KDM4C: variants seen among roughly 807,000 people sequenced by gnomAD.
KDM4C encodes the protein lysine demethylase 4C.
KDM4C carries 81 observed loss-of-function variants against 129.3 expected under a neutral mutation model. That is an observed-to-expected ratio of 0.63 (90% CI 0.52 to 0.75). The LOEUF is 0.75. Among genes scored for constraint, KDM4C ranks in the 30% least tolerant of loss-of-function variants. KDM4C has a pLI of 0.00. For synonymous variants in KDM4C, 573 were observed against 456.1 expected (o/e 1.26, Z -3.26); for missense variants, 1,457 against 1,304.0 (o/e 1.12, Z -1.81).
At chr9:7,082,028 C>T (rs1389588148) in intron 17 of KDM4C, among the ~76,000 whole-genome samples, 1 of 151,990 alleles carries the variant, frequency 6.6e-6, no homozygotes, top group South Asian at 2.1e-4. Context: ...TGGCCTTTGC[C>T]CCTGTGAAAA....
chr9:7,060,732 G>C (rs112519340), intron 17 of KDM4C, among the ~76,000 whole-genome samples: 1 of 151,910 alleles, frequency 6.6e-6, no homozygotes, highest in African/African-American at 2.4e-5. Flanking sequence ...CGCCTGCCTC[G>C]GCCTCCCAAA....
At chr9:7,145,103 C>T (rs1018731757) in intron 19 of KDM4C, among the ~76,000 whole-genome samples, 31 of 152,136 alleles carry the variant, frequency 2.0e-4, no homozygotes, top group African/African-American at 7.5e-4. Flanking sequence ...TAACAGGCCT[C>T]CTCCTCGGGT....
At chr9:6,778,375 C>T (rs1242473129) in intron 1 of KDM4C, among the ~76,000 whole-genome samples, 1 of 151,632 alleles carries the variant, frequency 6.6e-6, no homozygotes, top group African/African-American at 2.4e-5. Context: ...TGGGCATGAG[C>T]CACCCCACCA....
At chr9:6,886,110 C>T (rs2130828415) in intron 6 of KDM4C, among the ~76,000 whole-genome samples, 1 of 152,262 alleles carries the variant, frequency 6.6e-6, no homozygotes, top group Non-Finnish European at 1.5e-5. Flanking sequence ...TGGGGACTGC[C>T]CCTTGGTGCC....
At chr9:6,752,734 A>G (rs1818113467), upstream of KDM4C, among the ~76,000 whole-genome samples, 1 of 152,124 alleles carries the variant, frequency 6.6e-6, no homozygotes, top group Admixed American at 6.6e-5. Context: ...CAACTTCCAA[A>G]AAGTTATATT....
At chr9:7,027,448 G>C (rs915672180) in intron 15 of KDM4C, among the ~76,000 whole-genome samples, 6 of 152,192 alleles carry the variant, frequency 3.9e-5, no homozygotes, top group African/African-American at 1.4e-4. Flanking sequence ...GAGTCTCTCT[G>C]TTTGTTCTGA....
At chr9:6,978,724 C>T (rs975444569) in intron 8 of KDM4C, 1 of 152,282 alleles carries the variant, frequency 6.6e-6, no homozygotes, top group Non-Finnish European at 1.5e-5. Flanking sequence ...GACAGTCCTG[C>T]ACAGCTCTCT....
intron 12 of KDM4C, among the ~76,000 whole-genome samples, chr9:7,009,588 C>T (rs910347614): frequency 6.6e-6 from 1 of 152,094 alleles, no homozygotes; most frequent in African/African-American, 2.4e-5. Flanking sequence ...GGTGCCACTG[C>T]CTTGATTCAT....
chr9:6,867,766 T>C (rs12002100), intron 5 of KDM4C, among the ~76,000 whole-genome samples: 31,119 of 152,168 alleles, frequency 0.2, 3,831 homozygotes, highest in Middle Eastern at 0.39. Flanking sequence ...CATGTGAACT[T>C]GACAGAATGG....
intron 18 of KDM4C, among the ~76,000 whole-genome samples, chr9:7,114,255 G>A (rs1442613757): frequency 6.6e-6 from 1 of 152,010 alleles, no homozygotes; most frequent in African/African-American, 2.4e-5. Context: ...ATACTACTCG[G>A]CTTTATTCTG....
chr9:7,104,248 C>T (rs1837429597), intron 18 of KDM4C: 1 of 193,158 alleles, frequency 5.2e-6, no homozygotes, highest in African/African-American at 2.3e-5. Context: ...GGGATCACCA[C>T]CTGAGATTAT....
At chr9:7,033,176 T>C (rs1827071591) in intron 15 of KDM4C, among the ~76,000 whole-genome samples, 1 of 151,026 alleles carries the variant, frequency 6.6e-6, no homozygotes, top group Admixed American at 6.6e-5. Flanking sequence ...CACGGGATAC[T>C]GTCAAGACCA....
intron 4 of KDM4C, among the ~76,000 whole-genome samples, chr9:6,837,198 C>T (rs750195393): frequency 2.0e-5 from 3 of 152,132 alleles, no homozygotes; most frequent in Non-Finnish European, 2.9e-5. Context: ...GCAGGGACCA[C>T]AAGCTTGCAC....
intron 11 of KDM4C, 83 bp downstream of exon 11, chr9:6,986,749 C>A: frequency 2.1e-6 from 2 of 942,014 alleles, no homozygotes; most frequent in South Asian, 1.8e-5. Flanking sequence ...CACTGAAATC[C>A]TCCTTTAGGG....
intron 4 of KDM4C, among the ~76,000 whole-genome samples, chr9:6,828,309 G>A (rs1025375510): frequency 5.3e-5 from 8 of 151,924 alleles, no homozygotes; most frequent in African/African-American, 1.2e-4. Flanking sequence ...CACAACGCCC[G>A]GCTAATTTTT....
rs145325855 is a variant in KDM4C, at chr9:6,935,813, T to C, written c.921+42581T>C. Among the ~76,000 whole-genome samples, 1,265 of 152,276 alleles carry C rather than the reference T, an allele frequency of 8.3e-3. 12 individuals are homozygous for C. Among genetic ancestry groups the C allele is most frequent in the African/African-American group, 0.028 (1,148 of 41,564 alleles). On this transcript the variant is annotated intron_variant, in intron 8 of 21. Coordinates refer to ENST00000381309, the MANE Select transcript of KDM4C (RefSeq NM_015061.6). Reference sequence around the variant, plus strand: ...GTTGTTATTGAACAGCATTAAGTTTTTGCGGGGAATTTTTCTTGATAGAAA... The same window carrying C: ...GTTGTTATTGAACAGCATTAAGTTTCTGCGGGGAATTTTTCTTGATAGAAA...
At chr9:7,006,386 A>G (rs895773613) in intron 12 of KDM4C, among the ~76,000 whole-genome samples, 1 of 152,138 alleles carries the variant, frequency 6.6e-6, no homozygotes, top group African/African-American at 2.4e-5. Flanking sequence ...CTTGAGCATC[A>G]GAGGTGATAC....
chr9:7,023,171 G>A (rs1309635643), intron 15 of KDM4C, among the ~76,000 whole-genome samples: 1 of 152,170 alleles, frequency 6.6e-6, no homozygotes, highest in Non-Finnish European at 1.5e-5. Flanking sequence ...GAGCTTGGAA[G>A]TGTTCCCTCA....
At chr9:7,052,863 C>CAGAGAGACAGAGAGAGAGAGAGAG (rs1830339576) in intron 17 of KDM4C, among the ~76,000 whole-genome samples, 1 of 41,074 alleles carries the variant, frequency 2.4e-5, no homozygotes, top group African/African-American at 8.4e-5. Context: ...GCCACACCTG[C>CAGAGAGACAGAGAGAGAGAGAGAG]AGAGAGAGAG....
Sources: gnomAD v4.1 joint callset for allele counts (sites outside exome capture counted in the v4.1 genomes callset) on GRCh38, gnomAD v4.1.1 for gene constraint, MANE v1.5 for transcripts, NCBI Gene and HGNC (gene_info 2026-07-23, HGNC 2026-07-21) for gene names.